The following QTMAN variants were observed in gnomAD, a reference collection of about 807,000 sequenced individuals.
The protein encoded by QTMAN is tRNA-queuosine alpha-mannosyltransferase.
At chr2:144,243,494 A>G in the QTMAN span, among the ~76,000 whole-genome samples, 1 of 152,358 alleles carries the variant, frequency 6.6e-6, no homozygotes, top group South Asian at 2.1e-4. Flanking sequence ...TGCAAACAAT[A>G]TAATTTAAGA....
chr2:144,269,842 C>T, the QTMAN span, among the ~76,000 whole-genome samples: 6 of 151,394 alleles, frequency 4.0e-5, no homozygotes, highest in South Asian at 1.3e-3. Context: ...AAAAAAAACT[C>T]ACCTATTCCA....
the QTMAN span, among the ~76,000 whole-genome samples, chr2:144,312,181 CTTTTT>C: frequency 2.3e-5 from 3 of 131,190 alleles, no homozygotes; most frequent in Admixed American, 7.8e-5. Flanking sequence ...GAGTTACATT[CTTTTT>C]TTTTTTTTTT....
At chr2:144,331,477 AATC>A in the QTMAN span, among the ~76,000 whole-genome samples, 9 of 151,764 alleles carry the variant, frequency 5.9e-5, no homozygotes, top group South Asian at 2.1e-4. Flanking sequence ...TCGTATGGAA[AATC>A]ATCATCAACT....
At chr2:143,978,563 G>A in the QTMAN span, among the ~76,000 whole-genome samples, 1 of 152,168 alleles carries the variant, frequency 6.6e-6, no homozygotes, top group Non-Finnish European at 1.5e-5. Context: ...TGGCCAGTAA[G>A]CCTGTAGAAA....
chr2:144,165,466 T>A, the QTMAN span, among the ~76,000 whole-genome samples: 1 of 152,318 alleles, frequency 6.6e-6, no homozygotes, highest in South Asian at 2.1e-4. Context: ...TCAAGTTTTC[T>A]CAGTACATAC....
the QTMAN span, among the ~76,000 whole-genome samples, chr2:144,025,745 T>G: frequency 4.2e-3 from 645 of 152,272 alleles, 1 homozygote; most frequent in Non-Finnish European, 6.4e-3. Flanking sequence ...ACCACAGGCA[T>G]CTGACACCTA....
the QTMAN span, among the ~76,000 whole-genome samples, chr2:144,217,824 C>T: frequency 6.6e-6 from 1 of 152,094 alleles, no homozygotes; most frequent in East Asian, 1.9e-4. Flanking sequence ...GCCACGTAGC[C>T]GCATTCAGTC....
the QTMAN span, among the ~76,000 whole-genome samples, chr2:144,136,395 A>AAAGGAAAGGAAAGGAAAGG: frequency 1.9e-4 from 19 of 97,450 alleles, 1 homozygote; most frequent in African/African-American, 8.3e-4. Context: ...AAGGAAAAGG[A>AAAGGAAAGGAAAGGAAAGG]AAAGGAAAGG....
chr2:144,301,631 T>C, the QTMAN span, among the ~76,000 whole-genome samples: 874 of 152,322 alleles, frequency 5.7e-3, 16 homozygotes, highest in South Asian at 0.041. Flanking sequence ...CAGAAGAAAC[T>C]GAATCATCCA....
chr2:144,242,412 T>A, the QTMAN span, among the ~76,000 whole-genome samples: 2 of 152,134 alleles, frequency 1.3e-5, no homozygotes, highest in Admixed American at 6.5e-5. Context: ...TTACATAATA[T>A]TTTCAATCAT....
At chr2:144,184,752 T>C in the QTMAN span, among the ~76,000 whole-genome samples, 2 of 152,298 alleles carry the variant, frequency 1.3e-5, no homozygotes, top group East Asian at 3.9e-4. Flanking sequence ...TTATTTCATT[T>C]GCATACAGGG....
the QTMAN span, among the ~76,000 whole-genome samples, chr2:144,252,473 A>G: frequency 6.6e-6 from 1 of 152,266 alleles, no homozygotes. Flanking sequence ...ACAAATAAGC[A>G]TATGAAAAGA....
At chr2:144,009,681 T>G in the QTMAN span, among the ~76,000 whole-genome samples, 39 of 152,014 alleles carry the variant, frequency 2.6e-4, no homozygotes, top group Non-Finnish European at 5.3e-4. Context: ...AAATAGTAAA[T>G]TTAGTCCTTG....
At chr2:144,088,977 T>TA in the QTMAN span, among the ~76,000 whole-genome samples, 9 of 151,840 alleles carry the variant, frequency 5.9e-5, no homozygotes, top group African/African-American at 1.9e-4. Context: ...TTACTTAAAC[T>TA]AAAAAACTTC....
chr2:144,137,850 TGGATGC>T, the QTMAN span, among the ~76,000 whole-genome samples: 3 of 152,092 alleles, frequency 2.0e-5, no homozygotes, highest in Non-Finnish European at 4.4e-5. Context: ...GAATGCAGGG[TGGATGC>T]CACTGACCTT....
the QTMAN span, among the ~76,000 whole-genome samples, chr2:144,013,948 G>A: frequency 0.14 from 21,133 of 152,060 alleles, 2,522 homozygotes; most frequent in African/African-American, 0.31. Flanking sequence ...TATATAACCT[G>A]TAAAGTATAA....
chr2:144,160,849 G>A, the QTMAN span, among the ~76,000 whole-genome samples: 5 of 152,112 alleles, frequency 3.3e-5, no homozygotes, highest in African/African-American at 7.2e-5. Flanking sequence ...CAACTGGTAC[G>A]TAAAATACAC....
the QTMAN span, among the ~76,000 whole-genome samples, chr2:144,084,945 G>A: frequency 6.6e-6 from 1 of 152,178 alleles, no homozygotes; most frequent in East Asian, 1.9e-4. Context: ...CATCCCAAGA[G>A]ATTTTGACTA....
the QTMAN span, among the ~76,000 whole-genome samples, chr2:144,123,935 T>C: frequency 6.6e-6 from 1 of 152,054 alleles, no homozygotes; most frequent in East Asian, 1.9e-4. Context: ...AATTTACAGA[T>C]TACTTTAACC....
Sources: allele counts gnomAD v4.1 joint callset (sites outside exome capture counted in the v4.1 genomes callset), GRCh38; gene constraint gnomAD v4.1.1; transcripts MANE v1.5; gene names NCBI Gene and HGNC (gene_info 2026-07-23, HGNC 2026-07-21).